Variants in FSTL5 observed in about 807,000 individuals in gnomAD.
FSTL5 encodes follistatin like 5.
Under a neutral mutation model 89.1 loss-of-function variants are expected in FSTL5, and 62 were observed. The ratio of observed to expected loss-of-function variants is 0.70; its 90% CI spans 0.57 to 0.86. FSTL5 has a LOEUF of 0.86. Ranked by LOEUF, FSTL5 falls within the 40% of genes least tolerant of loss-of-function variation. The probability of loss-of-function intolerance (pLI) is 0.00; values close to 1 mark genes in which losing one functional copy is unlikely to be tolerated. For synonymous variants in FSTL5, 383 were observed against 346.2 expected (o/e 1.11, Z -1.18); for missense variants, 1,057 against 1,001.6 (o/e 1.06, Z -0.75).
chr4:161,953,788 C>A (rs945990614), intron 3 of FSTL5, among the ~76,000 whole-genome samples: 1 of 151,488 alleles, frequency 6.6e-6, no homozygotes, highest in African/African-American at 2.4e-5. Context: ...AATTATCCCA[C>A]GGAGAATTTT....
intron 4 of FSTL5, among the ~76,000 whole-genome samples, chr4:161,890,983 A>G (rs986665513): frequency 6.6e-6 from 1 of 152,146 alleles, no homozygotes; most frequent in Admixed American, 6.6e-5. Context: ...CATAAAAAAA[A>G]ATTAGCTGGT....
intron 2 of FSTL5, among the ~76,000 whole-genome samples, chr4:162,097,269 A>AT (rs34153588): frequency 0.14 from 21,165 of 150,444 alleles, 1,945 homozygotes; most frequent in Non-Finnish European, 0.19. Flanking sequence ...AGGAATTTCC[A>AT]TTTTTTTTTA....
intron 3 of FSTL5, among the ~76,000 whole-genome samples, chr4:161,957,475 T>C (rs1254835387): frequency 6.6e-6 from 1 of 152,082 alleles, no homozygotes; most frequent in Non-Finnish European, 1.5e-5. Flanking sequence ...TGTTATTTTC[T>C]GTAGCTAATA....
intron 12 of FSTL5, among the ~76,000 whole-genome samples, chr4:161,485,570 A>C (rs1729649534): frequency 6.6e-6 from 1 of 152,224 alleles, no homozygotes; most frequent in Non-Finnish European, 1.5e-5. Flanking sequence ...AACTTAATGA[A>C]ATAAATAAAC....
intron 3 of FSTL5, among the ~76,000 whole-genome samples, chr4:161,956,886 T>A (rs1735040368): frequency 6.6e-6 from 1 of 151,992 alleles, no homozygotes; most frequent in African/African-American, 2.4e-5. Flanking sequence ...TATTCTTTAA[T>A]ATAGTGATGT....
At chr4:161,386,470 A>T in intron 15 of FSTL5, 21 bp from the exon 16 acceptor site, 1 of 1,541,918 alleles carries the variant, frequency 6.5e-7, no homozygotes, top group Non-Finnish European at 8.8e-7. Flanking sequence ...TGAAAATCAG[A>T]GTTAGACAGG....
intron 2 of FSTL5, among the ~76,000 whole-genome samples, chr4:162,052,491 C>T (rs1578988835): frequency 6.6e-6 from 1 of 151,552 alleles, no homozygotes; most frequent in East Asian, 1.9e-4. Context: ...TTGTGTGAGA[C>T]TAGAGCATTT....
At chr4:161,451,693 T>G (rs530183758) in intron 15 of FSTL5, among the ~76,000 whole-genome samples, 1 of 152,356 alleles carries the variant, frequency 6.6e-6, no homozygotes, top group South Asian at 2.1e-4. Flanking sequence ...CTGTAGTTAC[T>G]GGTTCCACAA....
At chr4:161,888,276 T>C (rs939155349) in intron 4 of FSTL5, among the ~76,000 whole-genome samples, 2 of 152,136 alleles carry the variant, frequency 1.3e-5, no homozygotes, top group East Asian at 1.9e-4. Flanking sequence ...AAAAGCCTTG[T>C]AGGAGTGATC....
intron 15 of FSTL5, among the ~76,000 whole-genome samples, chr4:161,446,721 T>C (rs1300101469): frequency 6.6e-6 from 1 of 152,098 alleles, no homozygotes; most frequent in Non-Finnish European, 1.5e-5. Context: ...TTTCAATTCA[T>C]GTAAGAAAAT....
At chr4:161,820,295 G>A (rs1354798532) in intron 4 of FSTL5, among the ~76,000 whole-genome samples, 1 of 152,064 alleles carries the variant, frequency 6.6e-6, no homozygotes, top group Non-Finnish European at 1.5e-5. Context: ...GAAACAATGA[G>A]GGGAGAAAAA....
intron 6 of FSTL5, 138 bp from the exon 7 acceptor site, chr4:161,656,632 G>T: frequency 4.2e-6 from 2 of 478,046 alleles, no homozygotes; most frequent in Non-Finnish European, 3.5e-6. Flanking sequence ...TGAAAAAAGA[G>T]AAAATTGTTT....
chr4:161,535,051 T>A (rs887209583), intron 10 of FSTL5, among the ~76,000 whole-genome samples: 1 of 152,088 alleles, frequency 6.6e-6, no homozygotes, highest in Non-Finnish European at 1.5e-5. Flanking sequence ...CGCTACCTCT[T>A]ACCATACACA....
chr4:161,652,763 T>A (rs1578996976), intron 7 of FSTL5, among the ~76,000 whole-genome samples: 1 of 152,162 alleles, frequency 6.6e-6, no homozygotes, highest in South Asian at 2.1e-4. Context: ...TTAAAATGTA[T>A]TTATGTGTTA....
At chr4:162,069,127 A>G (rs1458032744) in intron 2 of FSTL5, among the ~76,000 whole-genome samples, 1 of 152,032 alleles carries the variant, frequency 6.6e-6, no homozygotes, top group Non-Finnish European at 1.5e-5. Flanking sequence ...ATTGTGGAAG[A>G]CAGTGTGGTA....
At chr4:161,486,563 C>G in intron 12 of FSTL5, among the ~76,000 whole-genome samples, 1 of 152,116 alleles carries the variant, frequency 6.6e-6, no homozygotes, top group East Asian at 1.9e-4. Context: ...TACTTTTATG[C>G]TTCTCTACCA....
chr4:161,846,761 T>C (rs1218616959), intron 4 of FSTL5, among the ~76,000 whole-genome samples: 1 of 152,252 alleles, frequency 6.6e-6, no homozygotes, highest in East Asian at 1.9e-4. Context: ...GAATGGAGGA[T>C]TAGAACCAAC....
intron 4 of FSTL5, among the ~76,000 whole-genome samples, chr4:161,847,711 A>G (rs558439542): frequency 6.6e-6 from 1 of 152,196 alleles, no homozygotes; most frequent in East Asian, 1.9e-4. Context: ...TTTAATCTCA[A>G]CATAATATTA....
chr4:161,873,635 C>T (rs1336609353), intron 4 of FSTL5, among the ~76,000 whole-genome samples: 1 of 146,938 alleles, frequency 6.8e-6, no homozygotes, highest in Non-Finnish European at 1.5e-5. Context: ...TGCCATATGT[C>T]CACTACTTAT....
Sources: gnomAD v4.1 joint callset for allele counts (sites outside exome capture counted in the v4.1 genomes callset) on GRCh38, gnomAD v4.1.1 for gene constraint, MANE v1.5 for transcripts, NCBI Gene and HGNC (gene_info 2026-07-23, HGNC 2026-07-21) for gene names.